EPB41L2: variants seen among roughly 807,000 people sequenced by gnomAD.
EPB41L2 encodes erythrocyte membrane protein band 4.1 like 2.
A neutral mutation model predicts 113.0 loss-of-function variants in EPB41L2; 43 were observed. The observed-to-expected ratio is 0.38, with a 90% CI of 0.30 to 0.49. EPB41L2 has a LOEUF of 0.49. Among genes scored for constraint, EPB41L2 ranks in the 20% least tolerant of loss-of-function variants. The pLI is 0.95. For synonymous variants in EPB41L2, 442 were observed against 436.7 expected, an observed-to-expected ratio of 1.01 and a Z score of -0.15; for missense variants, 1,147 against 1,223.4, an observed-to-expected ratio of 0.94 and a Z score of 0.93.
intron 1 of EPB41L2, among the ~76,000 whole-genome samples, chr6:131,036,801 T>C (rs550230912): frequency 1.5e-4 from 23 of 151,998 alleles, no homozygotes; most frequent in African/African-American, 5.6e-4. Context: ...AAAAAAACAG[T>C]TATGGGTTAA....
At chr6:130,931,252 C>G (rs1806732478) in intron 3 of EPB41L2, among the ~76,000 whole-genome samples, 1 of 152,090 alleles carries the variant, frequency 6.6e-6, no homozygotes, top group Non-Finnish European at 1.5e-5. Flanking sequence ...TGATTTTATT[C>G]TACTAATTTA....
chr6:130,867,728 A>C, intron 15 of EPB41L2, 147 bp from the exon 16 acceptor site: 1 of 1,085,112 alleles, frequency 9.2e-7, no homozygotes, highest in Non-Finnish European at 1.3e-6. Context: ...ACCTAAAACA[A>C]ACAAAAGAAA....
chr6:131,024,532 A>G (rs934098883), intron 1 of EPB41L2, among the ~76,000 whole-genome samples: 1 of 152,214 alleles, frequency 6.6e-6, no homozygotes, highest in Admixed American at 6.5e-5. Flanking sequence ...CATATCAACC[A>G]CAAGAGCTAT....
rs117926671 is a variant in EPB41L2 at position 130,949,632 on chromosome 6, G to A, written c.705+5473C>T. On this transcript the variant is annotated intron_variant, in intron 3 of 19. Coordinates refer to ENST00000337057, the MANE Select transcript of EPB41L2 (RefSeq NM_001431.4). Reference sequence around the variant, plus strand: ...GAGGGGAGGGGAGGAGAGTGGAGGAGAGGGGAGACCCAAATGGGATAGGAC... The same window carrying A: ...GAGGGGAGGGGAGGAGAGTGGAGGAAAGGGGAGACCCAAATGGGATAGGAC... Among the ~76,000 whole-genome samples, 1,298 of 152,002 alleles carry A rather than the reference G, an allele frequency of 8.5e-3. 10 individuals are homozygous for A. Among genetic ancestry groups the A allele is most frequent in the South Asian group, 0.02 (97 of 4,786 alleles).
chr6:130,949,129 T>G (rs1317807784), intron 3 of EPB41L2, among the ~76,000 whole-genome samples: 1 of 152,220 alleles, frequency 6.6e-6, no homozygotes, highest in Non-Finnish European at 1.5e-5. Context: ...TTCAAAGTCT[T>G]AATAAATTTA....
intron 5 of EPB41L2, among the ~76,000 whole-genome samples, chr6:130,905,610 G>A (rs1246125782): frequency 2.0e-5 from 3 of 151,978 alleles, no homozygotes; most frequent in Non-Finnish European, 4.4e-5. Context: ...TTTCAGAGAC[G>A]GGGTCTCCCT....
chr6:130,924,218 C>T (rs1803854569), intron 4 of EPB41L2, among the ~76,000 whole-genome samples: 1 of 152,146 alleles, frequency 6.6e-6, no homozygotes, highest in Non-Finnish European at 1.5e-5. Flanking sequence ...TATGTATACA[C>T]CACATTTTCT....
At chr6:130,958,889 T>TA in intron 1 of EPB41L2, among the ~76,000 whole-genome samples, 1 of 152,180 alleles carries the variant, frequency 6.6e-6, no homozygotes, top group East Asian at 1.9e-4. Context: ...AGAAATGTAA[T>TA]AAGATTCTCA....
intron 3 of EPB41L2, among the ~76,000 whole-genome samples, chr6:130,937,613 G>C (rs994104525): frequency 6.6e-6 from 1 of 152,236 alleles, no homozygotes. Context: ...GAGGTCAGGA[G>C]TTCAAGACCA....
chr6:130,879,277 C>T (rs1788516018), intron 13 of EPB41L2, among the ~76,000 whole-genome samples: 1 of 152,164 alleles, frequency 6.6e-6, no homozygotes, highest in African/African-American at 2.4e-5. Flanking sequence ...ATCTAAAAAT[C>T]TTTGCATGGC....
chr6:130,915,121 G>C (rs951164563), intron 4 of EPB41L2, among the ~76,000 whole-genome samples: 3 of 151,932 alleles, frequency 2.0e-5, no homozygotes, highest in African/African-American at 7.3e-5. Flanking sequence ...GGCTAAAACG[G>C]TGAAACCCCG....
At chr6:130,911,706 G>A (rs1263965730) in intron 4 of EPB41L2, among the ~76,000 whole-genome samples, 1 of 151,958 alleles carries the variant, frequency 6.6e-6, no homozygotes, top group Non-Finnish European at 1.5e-5. Context: ...TTTGTTTTTC[G>A]AAGCTACAAG....
chr6:130,965,072 G>A (rs978826200), intron 1 of EPB41L2, among the ~76,000 whole-genome samples: 3 of 152,144 alleles, frequency 2.0e-5, no homozygotes, highest in Non-Finnish European at 4.4e-5. Context: ...ATGTTCTAAT[G>A]GACCACCCCT....
At chr6:130,935,302 A>C (rs1808419103) in intron 3 of EPB41L2, among the ~76,000 whole-genome samples, 1 of 151,966 alleles carries the variant, frequency 6.6e-6, no homozygotes, top group Admixed American at 6.5e-5. Context: ...AGATACTTTG[A>C]CTCCTTACTT....
intron 6 of EPB41L2, 109 bp from the exon 7 acceptor site, chr6:130,901,289 G>A: frequency 1.2e-6 from 1 of 868,078 alleles, no homozygotes; most frequent in Non-Finnish European, 1.8e-6. Context: ...ATACAATATA[G>A]GCACTCTTCA....
At chr6:130,841,201 A>G (rs138876669) in intron 19 of EPB41L2, among the ~76,000 whole-genome samples, 281 of 147,378 alleles carry the variant, frequency 1.9e-3, no homozygotes, top group Admixed American at 4.9e-3. Flanking sequence ...ACTGAGAAGT[A>G]CCAGCTTGAT....
intron 10 of EPB41L2, among the ~76,000 whole-genome samples, chr6:130,893,635 T>C (rs1462900014): frequency 6.6e-6 from 1 of 152,220 alleles, no homozygotes; most frequent in African/African-American, 2.4e-5. Flanking sequence ...TTTTGTTATA[T>C]AGAGTAACTG....
At chr6:130,910,112 T>A (rs1798902709) in intron 4 of EPB41L2, among the ~76,000 whole-genome samples, 1 of 152,206 alleles carries the variant, frequency 6.6e-6, no homozygotes, top group Non-Finnish European at 1.5e-5. Flanking sequence ...GGTATCACAC[T>A]ACCTGACTTC....
At chr6:130,960,012 T>C (rs1453367493) in intron 1 of EPB41L2, among the ~76,000 whole-genome samples, 5 of 152,266 alleles carry the variant, frequency 3.3e-5, no homozygotes, top group African/African-American at 1.2e-4. Flanking sequence ...ATTTTAATCA[T>C]AAGGGTTTCC....
Sources: allele counts gnomAD v4.1 joint callset (sites outside exome capture counted in the v4.1 genomes callset), GRCh38; gene constraint gnomAD v4.1.1; transcripts MANE v1.5; gene names NCBI Gene and HGNC (gene_info 2026-07-23, HGNC 2026-07-21).